The following SNCAIP variants were observed in gnomAD, a reference collection of about 807,000 sequenced individuals.
SNCAIP encodes synuclein alpha interacting protein.
SNCAIP carries 43 observed loss-of-function variants against 86.7 expected under a neutral mutation model. The observed-to-expected ratio is 0.50, with a 90% CI of 0.39 to 0.64. The LOEUF (loss-of-function observed/expected upper bound fraction) is 0.64, where lower values mean the gene tolerates loss of function less well. Ranked by LOEUF, SNCAIP falls within the 30% of genes least tolerant of loss-of-function variation. The pLI is 0.00. For synonymous variants in SNCAIP, 417 were observed against 427.2 expected (o/e 0.98, Z 0.29); for missense variants, 981 against 1,103.1 (o/e 0.89, Z 1.57).
intron 7 of SNCAIP, among the ~76,000 whole-genome samples, chr5:122,441,445 G>A (rs1052876293): frequency 3.3e-5 from 5 of 152,164 alleles, no homozygotes; most frequent in African/African-American, 1.2e-4. Flanking sequence ...GTACAATGAT[G>A]TCAAAAAGTT....
At chr5:122,444,494 C>G in intron 7 of SNCAIP, 69 bp from the exon 8 acceptor site, 1 of 1,411,466 alleles carries the variant, frequency 7.1e-7, no homozygotes, top group South Asian at 1.2e-5. Flanking sequence ...ATTCAACATT[C>G]TGTTACAGTC....
intron 1 of SNCAIP, among the ~76,000 whole-genome samples, chr5:122,372,598 A>G (rs1315022033): frequency 8.5e-5 from 13 of 152,202 alleles, no homozygotes; most frequent in Admixed American, 8.5e-4. Context: ...ATGTATCTCA[A>G]TGCCATCTTT....
rs1331572169 is a variant in SNCAIP at position 122,450,788 on chromosome 5, T to C, written c.1941T>C (p.Ala647=). ...CCTTGGAATTCCAGGATGCTCAGGC[T>C]TCCTCTAGAAATTCTAAAAAGATCC... The part of the protein sequence containing the change: ...KLSLEFQDAQ[A]SSRNSKKIPL... The change falls in exon 10 of 11, where the codon GCT becomes GCC. Residue 647 remains alanine, a synonymous_variant. Transcript: ENST00000261368. 6.2e-7 allele frequency: 1 copy of C among 1,614,020 alleles called. No homozygotes were observed. The highest frequency in any genetic ancestry group is 1.7e-5 in the Admixed American group (1 of 60,026).
At chr5:122,391,733 A>T (rs934156850) in intron 2 of SNCAIP, among the ~76,000 whole-genome samples, 1 of 152,346 alleles carries the variant, frequency 6.6e-6, no homozygotes, top group African/African-American at 2.4e-5. Context: ...GGTCCTGCTT[A>T]ATCCTGTAAT....
intron 8 of SNCAIP, among the ~76,000 whole-genome samples, chr5:122,448,931 G>A (rs1395360717): frequency 2.7e-5 from 4 of 150,692 alleles, no homozygotes; most frequent in Non-Finnish European, 5.9e-5. Context: ...CAGGAGAATG[G>A]CGTGAACCCG....
rs1469204369 is a variant in SNCAIP, at chr5:122,378,466, A to G, written c.-46-12623A>G. On this transcript the variant is annotated intron_variant, in intron 1 of 10. Coordinates refer to ENST00000261368, the MANE Select transcript of SNCAIP (RefSeq NM_005460.4). ...CCCTTTGTCAGATGAGTAGGTTGTG[A>G]AAATTTTCTCTCATTTTGTAGGTTG... is the stretch of plus-strand genomic sequence containing the variant. Among the ~76,000 whole-genome samples the G allele has an allele frequency of 3.6e-5, 5 of 140,372 alleles. 1 individual carries two copies. 92.1% of individuals were successfully genotyped at this position (140,372 alleles called of 152,430 possible). A position where few individuals can be genotyped will look rare whatever the true frequency, so the allele number is the denominator to read the frequency against.
At chr5:122,407,232 A>G (rs1404394668) in intron 3 of SNCAIP, among the ~76,000 whole-genome samples, 2 of 152,182 alleles carry the variant, frequency 1.3e-5, no homozygotes, top group Non-Finnish European at 2.9e-5. Context: ...GGGAGGTCTT[A>G]GGGCATCAGG....
intron 1 of SNCAIP, among the ~76,000 whole-genome samples, chr5:122,390,700 G>C (rs1769160643): frequency 6.6e-6 from 1 of 152,132 alleles, no homozygotes; most frequent in African/African-American, 2.4e-5. Context: ...TTTGAAAATG[G>C]CTTTCCTAAG....
chr5:122,367,505 G>A (rs879733041), intron 1 of SNCAIP, among the ~76,000 whole-genome samples: 2 of 152,126 alleles, frequency 1.3e-5, no homozygotes, highest in Non-Finnish European at 2.9e-5. Context: ...TGAGACTTGA[G>A]GATGTATGTG....
At chr5:122,446,821 C>A (rs1196858035) in intron 8 of SNCAIP, among the ~76,000 whole-genome samples, 1 of 152,154 alleles carries the variant, frequency 6.6e-6, no homozygotes, top group East Asian at 1.9e-4. Context: ...TGGGGGAAGA[C>A]AGTCTTGAGT....
chr5:122,452,365 A>C (rs887877297), intron 10 of SNCAIP, among the ~76,000 whole-genome samples: 1 of 152,230 alleles, frequency 6.6e-6, no homozygotes, highest in Non-Finnish European at 1.5e-5. Flanking sequence ...ATAGCAGCCA[A>C]AATGCAAAAC....
chr5:122,459,823 A>G (rs1384851336), intron 10 of SNCAIP, among the ~76,000 whole-genome samples: 1 of 152,180 alleles, frequency 6.6e-6, no homozygotes, highest in East Asian at 1.9e-4. Flanking sequence ...TAGCATTATA[A>G]TAAAGACTGG....
chr5:122,444,013 A>G (rs931058704), intron 7 of SNCAIP: 18 of 454,892 alleles, frequency 4.0e-5, no homozygotes, highest in Non-Finnish European at 6.2e-5. Flanking sequence ...ACATGTCCTC[A>G]CCATAGCCCA....
At chr5:122,421,165 T>A (rs1301433643) in intron 3 of SNCAIP, among the ~76,000 whole-genome samples, 1 of 152,212 alleles carries the variant, frequency 6.6e-6, no homozygotes, top group African/African-American at 2.4e-5. Context: ...CTCTTCTACA[T>A]TACTTATTGG....
chr5:122,418,869 G>A (rs1000595519), intron 3 of SNCAIP, among the ~76,000 whole-genome samples: 1 of 152,078 alleles, frequency 6.6e-6, no homozygotes, highest in African/African-American at 2.4e-5. Flanking sequence ...TACTGAAGAA[G>A]GTTAACTCAG....
intron 1 of SNCAIP, among the ~76,000 whole-genome samples, chr5:122,374,658 T>C (rs915377904): frequency 6.6e-6 from 1 of 152,166 alleles, no homozygotes; most frequent in East Asian, 1.9e-4. Context: ...TAAGCTATTA[T>C]ATGTTAAAAA....
intron 2 of SNCAIP, among the ~76,000 whole-genome samples, chr5:122,392,447 A>G (rs1341796511): frequency 6.6e-6 from 1 of 151,332 alleles, no homozygotes; most frequent in African/African-American, 2.4e-5. Context: ...TCTCTAAGTC[A>G]CTATGCTTGA....
intron 5 of SNCAIP, among the ~76,000 whole-genome samples, chr5:122,426,520 A>T (rs1777401289): frequency 6.6e-6 from 1 of 152,188 alleles, no homozygotes; most frequent in Non-Finnish European, 1.5e-5. Flanking sequence ...GCAAAGTTTT[A>T]TACATTAAAA....
At chr5:122,341,673 C>G (rs371710538) in intron 1 of SNCAIP, among the ~76,000 whole-genome samples, 2 of 152,212 alleles carry the variant, frequency 1.3e-5, no homozygotes, top group East Asian at 3.9e-4. Flanking sequence ...CCGCCCTTCA[C>G]TGGCCCCTTC....
Sources: gnomAD v4.1 joint callset for allele counts (sites outside exome capture counted in the v4.1 genomes callset) on GRCh38, gnomAD v4.1.1 for gene constraint, MANE v1.5 for transcripts, NCBI Gene and HGNC (gene_info 2026-07-23, HGNC 2026-07-21) for gene names.